The following LGALSL variants were observed in gnomAD, a reference collection of about 807,000 sequenced individuals.
The protein encoded by LGALSL is galectin like.
LGALSL carries 13 observed loss-of-function variants against 19.5 expected under a neutral mutation model. The observed-to-expected ratio is 0.67, with a 90% CI of 0.43 to 1.06. The LOEUF is 1.06. Among genes scored for constraint, LGALSL ranks in the 50% least tolerant of loss-of-function variants. The probability of loss-of-function intolerance (pLI) is 0.00; values close to 1 mark genes in which losing one functional copy is unlikely to be tolerated. For synonymous variants in LGALSL, 86 were observed against 78.3 expected (o/e 1.10, Z -0.52); for missense variants, 189 against 219.3 (o/e 0.86, Z 0.87).
At position 64,459,014 on chromosome 2, in the gene LGALSL, G is replaced by A. The variant is rs1440746952; in HGVS notation, c.*586G>A. The A allele has an allele frequency of 2.0e-5, 3 of 152,158 alleles. No individual in the cohort carries two copies. The highest frequency in any genetic ancestry group is 2.0e-4 in the Admixed American group (3 of 15,272). 9.4% of individuals were successfully genotyped at this position (152,158 alleles called of 1,614,324 possible). The stretch of plus-strand genomic sequence containing the variant: ...ATGAACAATGTCTCAAGAACAGCAA[G>A]TTGTAAACTTTTGAATGTATAAATA... On this transcript the variant is annotated 3_prime_UTR_variant, in exon 5 of 5. Coordinates refer to ENST00000238875, the MANE Select transcript of LGALSL (RefSeq NM_014181.3).
At position 64,461,074 on chromosome 2, in the gene LGALSL, T is replaced by C. The variant is rs1337330309; in HGVS notation, c.*2646T>C. ...TAAAATTTTGAAGCCCCATTTCAAA[T>C]CTTGCCGACCTTAGTTCAAAGCCCC... is the stretch of plus-strand genomic sequence containing the variant. On this transcript the variant is annotated 3_prime_UTR_variant, in exon 5 of 5. Transcript: ENST00000238875. The C allele has an allele frequency of 6.6e-6, 1 of 152,218 alleles. No homozygotes were observed. The highest frequency in any genetic ancestry group is 2.4e-5 in the African/African-American group (1 of 41,466). 9.4% of individuals were successfully genotyped at this position (152,218 alleles called of 1,614,324 possible).
Position 64,454,274 on chromosome 2 carries a change from G to A in LGALSL, c.-272G>A. On this transcript the variant is annotated 5_prime_UTR_variant, in exon 1 of 5. Coordinates refer to ENST00000238875, the MANE Select transcript of LGALSL (RefSeq NM_014181.3). This position sits in a 1 kb window ranked among gnomAD's most constrained non-coding sequence, Gnocchi z 5.1. ...GCAGCGGCAGCGGCAGCGGCAGCAA[G>A]CAGCCCCGTCGGCCCGGGTCCGGGG... The A allele has an allele frequency of 2.5e-6, 1 of 395,830 alleles. No individual in the cohort carries two copies. The highest frequency in any genetic ancestry group is 3.6e-5 in the East Asian group (1 of 27,906). 24.5% of individuals were successfully genotyped at this position (395,830 alleles called of 1,614,324 possible). A position where few individuals can be genotyped will look rare whatever the true frequency, so the allele number is the denominator to read the frequency against.
chr2:64,459,989 C>T lies in LGALSL; in HGVS notation c.*1561C>T, dbSNP rs574676148. The T allele has an allele frequency of 6.6e-6, 1 of 151,200 alleles. No homozygotes were observed. Among genetic ancestry groups the T allele is most frequent in the Admixed American group, 6.6e-5 (1 of 15,200 alleles). The allele number at this position is 151,200 out of a possible 1,614,324, so 9.4% of individuals were successfully genotyped here. A position where few individuals can be genotyped will look rare whatever the true frequency, so the allele number is the denominator to read the frequency against. ...CATACTGTGTCTTGTAATGACACAT[C>T]CTTGTCCTGCTTTCCTTTTTTGAGT... On this transcript the variant is annotated 3_prime_UTR_variant, in exon 5 of 5. Transcript: ENST00000238875.
intron 4 of LGALSL, 51 bp downstream of exon 4, chr2:64,456,516 C>G: frequency 1.4e-6 from 2 of 1,418,612 alleles, no homozygotes; most frequent in Non-Finnish European, 1.9e-6. Flanking sequence ...TGATAATGTT[C>G]GACTTACCTA....
chr2:64,455,303 A>G lies in LGALSL; in HGVS notation c.37-41A>G, dbSNP rs758174221. On this transcript the variant is annotated intron_variant, in intron 1 of 4. Coordinates refer to ENST00000238875, the MANE Select transcript of LGALSL (RefSeq NM_014181.3). ...GGGTTCTTCCTCCAGCCCCCCAAAA[A>G]AGAGCCCATGGAAAGCCAATCTGTG... 20 of 1,382,856 alleles carry G rather than the reference A, an allele frequency of 1.4e-5. No individual in the cohort carries two copies. In the East Asian group the frequency reaches 4.6e-4, roughly 32 times the overall value. The allele number at this position is 1,382,856 out of a possible 1,614,324, so 85.7% of individuals were successfully genotyped here.
In LGALSL at chr2:64,458,471, A is replaced by G. The variant is rs200087020; in HGVS notation, c.*43A>G. On this transcript the variant is annotated 3_prime_UTR_variant, in exon 5 of 5. Coordinates refer to ENST00000238875, the MANE Select transcript of LGALSL (RefSeq NM_014181.3). The stretch of plus-strand genomic sequence containing the variant: ...TCAAATAGGATCACGTGCCACAACT[A>G]TCTGACTGTTGGTCTGGAAGAAGTG... The G allele has an allele frequency of 8.7e-5, 137 of 1,578,798 alleles. No homozygotes were observed. The highest frequency in any genetic ancestry group is 1.1e-4 in the Non-Finnish European group (125 of 1,155,618).
chr2:64,461,298 G>A lies in LGALSL; in HGVS notation c.*2870G>A, dbSNP rs1296242410. 6.6e-6 allele frequency: 1 copy of A among 152,154 alleles called. No individual in the cohort carries two copies. The highest frequency in any genetic ancestry group is 6.5e-5 in the Admixed American group (1 of 15,270). The allele number at this position is 152,154 out of a possible 1,614,324, so 9.4% of individuals were successfully genotyped here. ...AGAAACACTTTCTTATTTACTGTGT[G>A]GTGTAAAATGTTGCTAAATGTGTTG... is the stretch of plus-strand genomic sequence containing the variant. On this transcript the variant is annotated 3_prime_UTR_variant, in exon 5 of 5. Coordinates refer to ENST00000238875, the MANE Select transcript of LGALSL (RefSeq NM_014181.3).
Position 64,454,227 on chromosome 2 carries a change from C to T in LGALSL, c.-319C>T. ...CTGCCCAGGGCCGACGCGGCACGGC[C>T]CTCGCCACTTTTCTTGGTCGGGCAG... On this transcript the variant is annotated 5_prime_UTR_variant, in exon 1 of 5. Transcript: ENST00000238875. This position sits in a 1 kb window ranked among gnomAD's most constrained non-coding sequence, Gnocchi z 5.1. The T allele has an allele frequency of 2.5e-6, 1 of 395,458 alleles. No homozygotes were observed. 24.5% of individuals were successfully genotyped at this position (395,458 alleles called of 1,614,324 possible).
chr2:64,456,250 T>C, intron 3 of LGALSL, 38 bp from the exon 4 acceptor site: 1 of 1,576,710 alleles, frequency 6.3e-7, no homozygotes, highest in Non-Finnish European at 8.6e-7. Flanking sequence ...AATGTTTTTA[T>C]ATCCAACCCT....
chr2:64,454,515 T>TC lies in LGALSL; in HGVS notation c.-28dup, dbSNP rs1558565032. The TC allele has an allele frequency of 1.5e-6, 2 of 1,362,470 alleles. No homozygotes were observed. The highest frequency in any genetic ancestry group is 3.1e-5 in the South Asian group (2 of 63,600). The allele number at this position is 1,362,470 out of a possible 1,614,324, so 84.4% of individuals were successfully genotyped here. ...CCGGGATCCCCGCCCGCGCGCCGCG[T>TC]CCCACGTACCCCGCCGCGCCGGGCA... is the stretch of plus-strand genomic sequence containing the variant. On this transcript the variant is annotated 5_prime_UTR_variant, in exon 1 of 5. Coordinates refer to ENST00000238875, the MANE Select transcript of LGALSL (RefSeq NM_014181.3). This position sits in a 1 kb window ranked among gnomAD's most constrained non-coding sequence, Gnocchi z 5.1.
chr2:64,455,577 C>T lies in LGALSL; in HGVS notation c.109-12C>T, dbSNP rs747503897. The T allele has an allele frequency of 5.0e-6, 8 of 1,611,576 alleles. No homozygotes were observed. Among genetic ancestry groups the T allele is most frequent in the South Asian group, 3.3e-5 (3 of 91,030 alleles). Reference sequence around the variant, plus strand: ...GCTGTAAAATTCATTTTTCTTCTCCCACCCTTTTCAGATAGTTCCATTTTG... The same window carrying T: ...GCTGTAAAATTCATTTTTCTTCTCCTACCCTTTTCAGATAGTTCCATTTTG... On this transcript the variant is annotated splice_polypyrimidine_tract_variant and intron_variant, in intron 2 of 4. Coordinates refer to ENST00000238875, the MANE Select transcript of LGALSL (RefSeq NM_014181.3).
Position 64,458,378 on chromosome 2 carries a change from A to G in LGALSL, c.469A>G (p.Ile157Val). ...CCATCGCATTCAAACGTTATCTGCA[A>G]TTGACACCATAAAGATAAATGGAGA... is the stretch of plus-strand genomic sequence containing the variant. ...FYHRIQTLSAIDTIKINGDLQ... is the reference protein window; with the variant it reads ...FYHRIQTLSAVDTIKINGDLQ... Residue 157 changes from isoleucine (I) to valine (V), a missense_variant, in exon 5 of 5, where the codon ATT (isoleucine) becomes GTT (valine). Physicochemically the swap from Ile to Val is conservative, Grantham distance 29. This residue lies in a region of LGALSL where 106 missense variants were observed against 119.3 expected (regional missense o/e 0.89). Transcript: ENST00000238875. 9 of 1,614,016 alleles carry G rather than the reference A, an allele frequency of 5.6e-6. No individual in the cohort carries two copies. The highest frequency in any genetic ancestry group is 1.7e-5 in the Admixed American group (1 of 60,022).
rs1342672759 is a variant in LGALSL, at chr2:64,454,671, G to C, written c.36+90G>C. On this transcript the variant is annotated intron_variant, in intron 1 of 4. Transcript: ENST00000238875. This position sits in a 1 kb window ranked among gnomAD's most constrained non-coding sequence, Gnocchi z 5.1. The stretch of plus-strand genomic sequence containing the variant: ...TCCAGCAGTGCTGGGGTGCTGAGCA[G>C]CCGCAGGCCCGGCCGGCGCCCGGCG... The C allele has an allele frequency of 2.0e-6, 2 of 977,626 alleles. No homozygotes were observed. The highest frequency in any genetic ancestry group is 2.6e-6 in the Non-Finnish European group (2 of 762,666). 60.6% of individuals were successfully genotyped at this position (977,626 alleles called of 1,614,324 possible).
chr2:64,458,550 A>C lies in LGALSL; in HGVS notation c.*122A>C. On this transcript the variant is annotated 3_prime_UTR_variant, in exon 5 of 5. Transcript: ENST00000238875. The stretch of plus-strand genomic sequence containing the variant: ...AAAACAAAAACAAATGGCAAGTTTC[A>C]CTTAAGGGTGGTTTGCCCTTAAGAA... 1.0e-6 allele frequency: 1 copy of C among 1,004,970 alleles called. No homozygotes were observed. Among genetic ancestry groups the C allele is most frequent in the Non-Finnish European group, 1.4e-6 (1 of 695,532 alleles). 62.3% of individuals were successfully genotyped at this position (1,004,970 alleles called of 1,614,324 possible). A position where few individuals can be genotyped will look rare whatever the true frequency, so the allele number is the denominator to read the frequency against.
At position 64,460,032 on chromosome 2, in the gene LGALSL, A is replaced by G. The variant is rs1051677128; in HGVS notation, c.*1604A>G. 20 of 148,716 alleles carry G rather than the reference A, an allele frequency of 1.3e-4. No homozygotes were observed. The highest frequency in any genetic ancestry group is 1.2e-3 in the Admixed American group (18 of 14,978). The allele number at this position is 148,716 out of a possible 1,614,324, so 9.2% of individuals were successfully genotyped here. ...TTTTGAGTTTTTTTTTTTTTTTTAC[A>G]CAACATGCAGAGGCACTGAAGTGAC... On this transcript the variant is annotated 3_prime_UTR_variant, in exon 5 of 5. Transcript: ENST00000238875.
intron 4 of LGALSL, 32 bp downstream of exon 4, chr2:64,456,497 C>T (rs367901864): frequency 2.6e-5 from 39 of 1,491,482 alleles, no homozygotes; most frequent in Middle Eastern, 3.7e-4. Context: ...GCTCCAGCCA[C>T]TGGCAGGCTG....
intron 2 of LGALSL, 47 bp downstream of exon 2, chr2:64,455,462 C>T (rs1686720226): frequency 6.5e-7 from 1 of 1,542,034 alleles, no homozygotes; most frequent in South Asian, 1.1e-5. Context: ...CCTCCTTTCT[C>T]ATTGCTTTTT....
In LGALSL at chr2:64,456,309, T is replaced by C. The variant is rs200873971; in HGVS notation, c.219T>C (p.Cys73=). The change falls in exon 4 of 5, where the codon TGT becomes TGC. Residue 73 remains cysteine (C), a synonymous_variant. Transcript: ENST00000238875. ...TCAGCTTTGCAATCAGCTTGACCTG[T>C]GGGGACTCAGAAGACCCTCCTGCCG... The part of the protein sequence containing the change: ...NPESFAISLT[C]GDSEDPPADV... The C allele has an allele frequency of 6.2e-7, 1 of 1,612,702 alleles. No individual in the cohort carries two copies. The highest frequency in any genetic ancestry group is 8.5e-7 in the Non-Finnish European group (1 of 1,179,484).
intron 4 of LGALSL, 118 bp from the exon 5 acceptor site, chr2:64,458,167 G>A (rs1307538321): frequency 2.2e-6 from 2 of 914,344 alleles, no homozygotes; most frequent in East Asian, 4.9e-5. Context: ...AGGTCTCAAT[G>A]CATTCTGATG....
Sources: allele counts gnomAD v4.1 joint callset, GRCh38; gene constraint gnomAD v4.1.1; regional missense constraint gnomAD v4.1.1; non-coding constraint Gnocchi (gnomAD v3.1); transcripts MANE v1.5; gene names NCBI Gene and HGNC (gene_info 2026-07-23, HGNC 2026-07-21).